GRM7: variants seen among roughly 807,000 people sequenced by gnomAD.
The protein encoded by GRM7 is glutamate metabotropic receptor 7.
Under a neutral mutation model 84.5 loss-of-function variants are expected in GRM7, and 35 were observed. That is an observed-to-expected ratio of 0.41 (90% CI 0.32 to 0.55). GRM7 has a LOEUF of 0.55. GRM7 is among the 20% of genes least tolerant of loss of function. GRM7 has a pLI of 0.19. For missense variants in GRM7, 1,003 were observed against 1,194.6 expected (o/e 0.84, Z 2.36); for synonymous variants, 487 against 455.1 (o/e 1.07, Z -0.89).
chr3:7,155,169 C>G (rs1332110015), intron 2 of GRM7, among the ~76,000 whole-genome samples: 6 of 152,064 alleles, frequency 3.9e-5, no homozygotes, highest in Non-Finnish European at 8.8e-5. Flanking sequence ...GGTATCTCAT[C>G]AGAGAAAGTG....
Position 7,558,334 on chromosome 3 carries a change from C to G in GRM7, c.1516-20088C>G, listed in dbSNP as rs369902827. ...AATAATTATTATTGAAAAGCAAATC[C>G]TTTTTTGATATACTACGGTGAAATA... On this transcript the variant is annotated intron_variant, in intron 7 of 9. Coordinates refer to ENST00000357716, the MANE Select transcript of GRM7 (RefSeq NM_000844.4). Among the ~76,000 whole-genome samples the G allele has an allele frequency of 3.8e-4, 58 of 151,404 alleles. No homozygotes were observed. The East Asian group carries it at 8.6e-3, about 22-fold the overall frequency.
At chr3:7,043,307 C>G (rs1359994385) in intron 1 of GRM7, among the ~76,000 whole-genome samples, 1 of 152,144 alleles carries the variant, frequency 6.6e-6, no homozygotes, top group African/African-American at 2.4e-5. Flanking sequence ...GCATTCTGCC[C>G]TGTGAACTCA....
intron 1 of GRM7, among the ~76,000 whole-genome samples, chr3:7,004,151 T>A (rs1257070727): frequency 6.6e-6 from 1 of 152,194 alleles, no homozygotes; most frequent in Non-Finnish European, 1.5e-5. Flanking sequence ...CCATCATTTA[T>A]GCAATATCTC....
intron 8 of GRM7, among the ~76,000 whole-genome samples, chr3:7,593,825 G>T (rs144590629): frequency 1.4e-3 from 207 of 152,212 alleles, no homozygotes; most frequent in African/African-American, 4.7e-3. Flanking sequence ...TGGACTGTTG[G>T]TAAGAAGAAA....
intron 6 of GRM7, among the ~76,000 whole-genome samples, chr3:7,460,125 A>AAAT (rs1698183125): frequency 6.7e-6 from 1 of 150,356 alleles, no homozygotes; most frequent in Non-Finnish European, 1.5e-5. Flanking sequence ...AAAAAAAAAA[A>AAAT]AAAAGATGCC....
At chr3:7,045,520 T>C (rs1696774155) in intron 1 of GRM7, among the ~76,000 whole-genome samples, 1 of 152,162 alleles carries the variant, frequency 6.6e-6, no homozygotes, top group Non-Finnish European at 1.5e-5. Context: ...CTTTGTGCCC[T>C]TTGACTAATA....
intron 4 of GRM7, among the ~76,000 whole-genome samples, chr3:7,347,609 A>G (rs1035840422): frequency 6.6e-6 from 1 of 152,204 alleles, no homozygotes; most frequent in Non-Finnish European, 1.5e-5. Context: ...GATCTGCAGT[A>G]TCTCAGCATC....
chr3:7,610,637 C>T (rs1382207754), intron 8 of GRM7, among the ~76,000 whole-genome samples: 1 of 152,090 alleles, frequency 6.6e-6, no homozygotes, highest in African/African-American at 2.4e-5. Flanking sequence ...GCAAAGGTGG[C>T]AAAATGGATT....
intron 1 of GRM7, among the ~76,000 whole-genome samples, chr3:7,105,831 TTGG>T (rs1183294464): frequency 6.6e-6 from 1 of 151,810 alleles, no homozygotes; most frequent in Admixed American, 6.6e-5. Context: ...GATGAAAGAG[TTGG>T]GTTATTATTG....
intron 8 of GRM7, among the ~76,000 whole-genome samples, chr3:7,656,545 G>GCACACA (rs1288626812): frequency 0.048 from 5,792 of 120,196 alleles, 146 homozygotes; most frequent in African/African-American, 0.072. Context: ...ATATACGCGC[G>GCACACA]CGCACACACA....
chr3:7,617,945 C>A (rs981329583), intron 8 of GRM7, among the ~76,000 whole-genome samples: 4 of 152,094 alleles, frequency 2.6e-5, no homozygotes, highest in African/African-American at 9.7e-5. Flanking sequence ...GTCCTGGATT[C>A]TTGTGCCTGG....
At chr3:6,997,210 T>C (rs949444282) in intron 1 of GRM7, among the ~76,000 whole-genome samples, 9 of 152,218 alleles carry the variant, frequency 5.9e-5, no homozygotes, top group African/African-American at 1.2e-4. Context: ...TAATATTTTC[T>C]TGGTCAGGTG....
At chr3:7,549,183 A>G (rs1299300783) in intron 7 of GRM7, among the ~76,000 whole-genome samples, 4 of 152,224 alleles carry the variant, frequency 2.6e-5, no homozygotes, top group Non-Finnish European at 5.9e-5. Context: ...TAAATAATAC[A>G]AACTTACATT....
At chr3:7,248,068 T>C (rs1697841608) in intron 2 of GRM7, among the ~76,000 whole-genome samples, 1 of 152,206 alleles carries the variant, frequency 6.6e-6, no homozygotes, top group Admixed American at 6.5e-5. Flanking sequence ...TGATAGTTTT[T>C]TATAAAGTTA....
intron 5 of GRM7, among the ~76,000 whole-genome samples, chr3:7,416,881 C>G (rs187517947): frequency 2.2e-4 from 34 of 152,188 alleles, no homozygotes; most frequent in African/African-American, 8.2e-4. Context: ...AGGGTACATT[C>G]AAGTGCACCG....
Position 6,968,644 on chromosome 3 carries a change from A to T in GRM7, c.519+106737A>T, listed in dbSNP as rs185991741. On this transcript the variant is annotated intron_variant, in intron 1 of 9. Transcript: ENST00000357716. ...TATTTTGTTCTCATTATCATTATTTATTTTATGATCTTTTATTTTTCCCTT... is the reference window on the plus strand; with the variant it reads ...TATTTTGTTCTCATTATCATTATTTTTTTTATGATCTTTTATTTTTCCCTT... Among the ~76,000 whole-genome samples the T allele has an allele frequency of 2.3e-3, 349 of 152,238 alleles. 1 individual carries two copies. The highest frequency in any genetic ancestry group is 7.8e-3 in the African/African-American group (325 of 41,548).
chr3:7,421,916 TAAAA>T (rs773501237), intron 5 of GRM7, among the ~76,000 whole-genome samples: 2 of 78,820 alleles, frequency 2.5e-5, no homozygotes, highest in African/African-American at 4.5e-5. Context: ...CTACAAACAG[TAAAA>T]AAAAAAAAAA....
chr3:7,365,672 C>A (rs368639860), intron 4 of GRM7, among the ~76,000 whole-genome samples: 6 of 139,576 alleles, frequency 4.3e-5, no homozygotes, highest in Non-Finnish European at 7.6e-5. Context: ...TATACACACA[C>A]GCACACACAC....
chr3:7,097,922 G>A (rs566815757), intron 1 of GRM7, among the ~76,000 whole-genome samples: 8 of 152,178 alleles, frequency 5.3e-5, no homozygotes, highest in African/African-American at 1.9e-4. Flanking sequence ...ACTGAATCTC[G>A]TTGAGGAGAT....
Sources: gnomAD v4.1 joint callset for allele counts (sites outside exome capture counted in the v4.1 genomes callset) on GRCh38, gnomAD v4.1.1 for gene constraint, MANE v1.5 for transcripts, NCBI Gene and HGNC (gene_info 2026-07-23, HGNC 2026-07-21) for gene names.